Variants in PEBP1 observed in about 807,000 individuals in gnomAD.
PEBP1 encodes phosphatidylethanolamine binding protein 1, also known as phosphatidylethanolamine-binding protein 1.
Under a neutral mutation model 22.7 loss-of-function variants are expected in PEBP1, and 17 were observed. The ratio of observed to expected loss-of-function variants is 0.75; its 90% CI spans 0.51 to 1.12. The LOEUF is 1.12. PEBP1 is among the 50% of genes most tolerant of loss of function. The pLI, the probability that PEBP1 is intolerant of heterozygous loss-of-function variation, is 0.00. For synonymous variants in PEBP1, 106 were observed against 104.3 expected, an observed-to-expected ratio of 1.02 and a Z score of -0.10; for missense variants, 205 against 243.5, an observed-to-expected ratio of 0.84 and a Z score of 1.05.
At chr12:118,139,644 C>A in intron 3 of PEBP1, 93 bp downstream of exon 3, 1 of 754,902 alleles carries the variant, frequency 1.3e-6, no homozygotes, top group Non-Finnish European at 2.2e-6. Flanking sequence ...AGCCCTTAAC[C>A]CTGCTGGAAA....
Position 118,144,877 on chromosome 12 carries a change from T to C in PEBP1, c.*74T>C. The stretch of plus-strand genomic sequence containing the variant: ...CCCCAGTTCAGTGTTGCATGTATAA[T>C]AGATTTCTCCTCTTCCTGCCCCCCT... On this transcript the variant is annotated 3_prime_UTR_variant, in exon 4 of 4. Coordinates refer to ENST00000261313, the MANE Select transcript of PEBP1 (RefSeq NM_002567.4). 1 of 1,605,588 alleles carries C rather than the reference T, an allele frequency of 6.2e-7. No individual in the cohort carries two copies.
At chr12:118,138,890 A>C (rs2138083438) in intron 2 of PEBP1, 1 of 155,056 alleles carries the variant, frequency 6.4e-6, no homozygotes, top group Middle Eastern at 3.3e-3. Context: ...GTGGCCCCCA[A>C]AGCTTAACAA....
At chr12:118,141,210 G>T (rs1293622689) in intron 3 of PEBP1, among the ~76,000 whole-genome samples, 1 of 151,638 alleles carries the variant, frequency 6.6e-6, no homozygotes, top group Non-Finnish European at 1.5e-5. Context: ...TCTACCTCCT[G>T]TGTTCAAATG....
At position 118,139,592 on chromosome 12, in the gene PEBP1, C is replaced by G. The variant is rs760315538; in HGVS notation, c.346+41C>G. 1.0e-5 allele frequency: 13 copies of G among 1,238,586 alleles called. No individual in the cohort carries two copies. The South Asian group carries it at 1.3e-4, about 13-fold the overall frequency. The allele number at this position is 1,238,586 out of a possible 1,614,324, so 76.7% of individuals were successfully genotyped here. A position where few individuals can be genotyped will look rare whatever the true frequency, so the allele number is the denominator to read the frequency against. On this transcript the variant is annotated intron_variant, in intron 3 of 3. Transcript: ENST00000261313. Reference sequence around the variant, plus strand: ...TTTTGGTGGGAGGTTGGGGAGGGAGCTCGGGGGCACATTAGGATTGACCCA... The same window carrying G: ...TTTTGGTGGGAGGTTGGGGAGGGAGGTCGGGGGCACATTAGGATTGACCCA...
chr12:118,143,608 C>CT (rs374127990), intron 3 of PEBP1, among the ~76,000 whole-genome samples: 119 of 152,186 alleles, frequency 7.8e-4, no homozygotes, highest in African/African-American at 2.8e-3. Flanking sequence ...TAAAAAATAA[C>CT]TTTGTTTCTG....
chr12:118,141,889 G>A (rs1439179244), intron 3 of PEBP1, among the ~76,000 whole-genome samples: 1 of 152,140 alleles, frequency 6.6e-6, no homozygotes, highest in Non-Finnish European at 1.5e-5. Context: ...AGGCCAGTTT[G>A]TTTAGCCATT....
intron 1 of PEBP1, 104 bp from the exon 2 acceptor site, chr12:118,137,935 C>T (rs1045644677): frequency 1.1e-5 from 8 of 753,996 alleles, no homozygotes; most frequent in Non-Finnish European, 1.9e-5. Context: ...GATCCTCTCT[C>T]CTAGGCCTCC....
intron 1 of PEBP1, 34 bp from the exon 2 acceptor site, chr12:118,138,005 G>T: frequency 6.7e-7 from 1 of 1,481,672 alleles, no homozygotes; most frequent in Non-Finnish European, 9.4e-7. Context: ...CAGCATTTCT[G>T]ACTTTTTTAC....
chr12:118,141,698 C>T (rs943493113), intron 3 of PEBP1, among the ~76,000 whole-genome samples: 5 of 152,126 alleles, frequency 3.3e-5, no homozygotes, highest in African/African-American at 4.8e-5. Flanking sequence ...TGTGCCATTG[C>T]GCTCTAGCCT....
In PEBP1 at chr12:118,139,435, G is replaced by C. The variant is rs376711046; in HGVS notation, c.246-16G>C. ...TGATCTCCTGTGGTGCTGACATCCC[G>C]TGTTTCTTCATGCAGAGAATGGCAT... is the stretch of plus-strand genomic sequence containing the variant. On this transcript the variant is annotated splice_polypyrimidine_tract_variant and intron_variant, in intron 2 of 3. Coordinates refer to ENST00000261313, the MANE Select transcript of PEBP1 (RefSeq NM_002567.4). 3.8e-6 allele frequency: 6 copies of C among 1,583,208 alleles called. No individual in the cohort carries two copies. The highest frequency in any genetic ancestry group is 2.2e-5 in the East Asian group (1 of 44,618).
In PEBP1 at chr12:118,136,238, G is replaced by C. The variant is rs1159954423; in HGVS notation, c.29G>C (p.Gly10Ala). The C allele has an allele frequency of 3.2e-6, 5 of 1,547,014 alleles. No homozygotes were observed. In the African/African-American group the frequency reaches 5.5e-5, roughly 17 times the overall value. ...CCGGTGGACCTCAGCAAGTGGTCCG[G>C]GCCCTTGAGCCTGCAAGAAGTGGAC... The part of the protein sequence containing the change: MPVDLSKWS[G>A]PLSLQEVDEQ... The change falls in exon 1 of 4, where the codon GGG (glycine) becomes GCG (alanine). Residue 10 changes from glycine (G) to alanine (A), a missense_variant. Gly to Ala is a moderately conservative substitution (Grantham distance 60, BLOSUM62 0). Coordinates refer to ENST00000261313, the MANE Select transcript of PEBP1 (RefSeq NM_002567.4). The surrounding 1 kb of genome is among the most constrained non-coding windows in gnomAD (Gnocchi z 5.6).
At chr12:118,139,400 G>A in intron 2 of PEBP1, 51 bp from the exon 3 acceptor site, 1 of 1,283,076 alleles carries the variant, frequency 7.8e-7, no homozygotes, top group Non-Finnish European at 1.1e-6. Context: ...ACTGTGCAGT[G>A]AATGTTCCCT....
In PEBP1 at chr12:118,138,086, G is replaced by C; in HGVS notation, c.183G>C (p.Gly61=). The change falls in exon 2 of 4, where the codon GGG becomes GGC. Residue 61 remains glycine (G), a synonymous_variant. Transcript: ENST00000261313. The stretch of plus-strand genomic sequence containing the variant: ...TTTCGTGGGATGGTCTTGATTCAGG[G>C]AAGCTCTACACCTTGGTCCTGACAG... ...TSISWDGLDS[G]KLYTLVLTDP... 6.2e-7 allele frequency: 1 copy of C among 1,613,832 alleles called. No individual in the cohort carries two copies. Among genetic ancestry groups the C allele is most frequent in the East Asian group, 2.2e-5 (1 of 44,864 alleles).
Position 118,144,908 on chromosome 12 carries a change from TGGGTGAGACCTGACCA to T in PEBP1, c.*107_*122del, listed in dbSNP as rs768040214. ...TCTCCTCTTCCTGCCCCCCTTGGCA[TGGGTGAGACCTGACCA>T]GTCAGATGGTAGTTGAGGGTGACTT... On this transcript the variant is annotated 3_prime_UTR_variant, in exon 4 of 4. Transcript: ENST00000261313. 24 of 1,577,544 alleles carry T rather than the reference TGGGTGAGACCTGACCA, an allele frequency of 1.5e-5. 2 individuals are homozygous for T. The South Asian group carries it at 2.7e-4, about 18-fold the overall frequency.
rs1159954423 is a variant in PEBP1, at chr12:118,136,238, G to A, written c.29G>A (p.Gly10Glu). The A allele has an allele frequency of 6.5e-7, 1 of 1,546,896 alleles. No homozygotes were observed. Among genetic ancestry groups the A allele is most frequent in the African/African-American group, 1.4e-5 (1 of 72,928 alleles). Reference protein sequence around the residue: MPVDLSKWSGPLSLQEVDEQ... With the variant: MPVDLSKWSEPLSLQEVDEQ... ...CCGGTGGACCTCAGCAAGTGGTCCG[G>A]GCCCTTGAGCCTGCAAGAAGTGGAC... is the stretch of plus-strand genomic sequence containing the variant. The change falls in exon 1 of 4, where the codon GGG (glycine) becomes GAG (glutamate). Residue 10 changes from glycine (G) to glutamate (E), a missense_variant. Coordinates refer to ENST00000261313, the MANE Select transcript of PEBP1 (RefSeq NM_002567.4). This position sits in a 1 kb window ranked among gnomAD's most constrained non-coding sequence, Gnocchi z 5.6.
intron 1 of PEBP1, among the ~76,000 whole-genome samples, chr12:118,137,430 G>A (rs1041570086): frequency 3.3e-5 from 5 of 152,146 alleles, no homozygotes; most frequent in African/African-American, 1.2e-4. Context: ...TGAGCATGTA[G>A]TTCCCAGCTG....
intron 3 of PEBP1, among the ~76,000 whole-genome samples, chr12:118,142,899 G>A (rs1446273068): frequency 7.1e-6 from 1 of 140,934 alleles, no homozygotes; most frequent in Non-Finnish European, 1.5e-5. Flanking sequence ...GAGCACAGTG[G>A]CACGTTTTCA....
In PEBP1 at chr12:118,144,850, T is replaced by C. The variant is rs755772247; in HGVS notation, c.*47T>C. 1.8e-4 allele frequency: 288 copies of C among 1,611,806 alleles called. No individual in the cohort carries two copies. The highest frequency in any genetic ancestry group is 1.7e-5 in the Non-Finnish European group (20 of 1,179,914). ...ACTGTCCTGGAGGCCCCAAGCCATG[T>C]TCCCCAGTTCAGTGTTGCATGTATA... On this transcript the variant is annotated 3_prime_UTR_variant, in exon 4 of 4. Transcript: ENST00000261313.
Position 118,145,027 on chromosome 12 carries a change from G to A in PEBP1, c.*224G>A, listed in dbSNP as rs537630753. 1.3e-6 allele frequency: 2 copies of A among 1,488,658 alleles called. No homozygotes were observed. The highest frequency in any genetic ancestry group is 1.4e-5 in the African/African-American group (1 of 72,170). 92.2% of individuals were successfully genotyped at this position (1,488,658 alleles called of 1,614,324 possible). On this transcript the variant is annotated 3_prime_UTR_variant, in exon 4 of 4. Transcript: ENST00000261313. Reference sequence around the variant, plus strand: ...GATCAAATTTGAACTTCATTTTGGGGGGTATTTTGGTACTGTGATGGGGTC... The same window carrying A: ...GATCAAATTTGAACTTCATTTTGGGAGGTATTTTGGTACTGTGATGGGGTC...
Sources: allele counts gnomAD v4.1 joint callset (sites outside exome capture counted in the v4.1 genomes callset), GRCh38; gene constraint gnomAD v4.1.1; non-coding constraint Gnocchi (gnomAD v3.1); transcripts MANE v1.5; gene names NCBI Gene and HGNC (gene_info 2026-07-23, HGNC 2026-07-21).